GABRP: variants seen among roughly 807,000 people sequenced by gnomAD.
GABRP encodes gamma-aminobutyric acid receptor subunit pi.
GABRP carries 52 observed loss-of-function variants against 47.8 expected under a neutral mutation model. That is an observed-to-expected ratio of 1.09 (90% CI 0.87 to 1.37). The LOEUF is 1.37. Ranked by LOEUF, GABRP falls within the 40% of genes most tolerant of loss-of-function variation. The probability of loss-of-function intolerance (pLI) is 0.00; values close to 1 mark genes in which losing one functional copy is unlikely to be tolerated. For missense variants in GABRP, 525 were observed against 542.8 expected, an observed-to-expected ratio of 0.97 and a Z score of 0.33; for synonymous variants, 221 against 205.8, an observed-to-expected ratio of 1.07 and a Z score of -0.63.
intron 9 of GABRP, 175 bp downstream of exon 9, chr5:170,809,930 A>G: frequency 1.4e-6 from 1 of 710,092 alleles, no homozygotes; most frequent in South Asian, 1.5e-5. Context: ...CCCTTGAAAA[A>G]GACCATTCTT....
chr5:170,804,310 G>A (rs924404301), intron 6 of GABRP, among the ~76,000 whole-genome samples: 1 of 152,004 alleles, frequency 6.6e-6, no homozygotes, highest in Non-Finnish European at 1.5e-5. Context: ...ATTATGAGTA[G>A]TGCTGCTATG....
chr5:170,792,344 A>C (rs892437468), intron 3 of GABRP, among the ~76,000 whole-genome samples: 11 of 151,928 alleles, frequency 7.2e-5, no homozygotes, highest in African/African-American at 2.4e-4. Flanking sequence ...CTGAAGGCCG[A>C]AGCAGGAGAA....
chr5:170,807,420 A>G (rs1765764078), intron 7 of GABRP, among the ~76,000 whole-genome samples: 1 of 152,178 alleles, frequency 6.6e-6, no homozygotes, highest in Non-Finnish European at 1.5e-5. Flanking sequence ...AAAATTATGT[A>G]ATCTCATGTA....
intron 1 of GABRP, 59 bp from the exon 2 acceptor site, chr5:170,788,515 G>GCCT (rs1449245668): frequency 8.7e-7 from 1 of 1,147,500 alleles, no homozygotes; most frequent in African/African-American, 1.5e-5. Context: ...AGAGAGGCTG[G>GCCT]CCAGGAGCAG....
intron 9 of GABRP, chr5:170,810,072 C>A: frequency 1.6e-6 from 1 of 641,604 alleles, no homozygotes; most frequent in South Asian, 1.9e-5. Flanking sequence ...ACATGATCAG[C>A]TGCTTGCAAG....
upstream of GABRP, among the ~76,000 whole-genome samples, chr5:170,783,464 T>C (rs1341776380): frequency 6.6e-6 from 1 of 152,168 alleles, no homozygotes; most frequent in African/African-American, 2.4e-5. Context: ...TCACCCACTT[T>C]ATCTGACTCT....
intron 6 of GABRP, among the ~76,000 whole-genome samples, chr5:170,804,987 TTATATTATATATTA>T (rs201640309): frequency 0.15 from 21,326 of 143,302 alleles, 1,610 homozygotes; most frequent in South Asian, 0.23. Context: ...ATATATTATA[TTATATTATATATTA>T]TATATATTAT....
At chr5:170,800,290 T>G (rs377529241) in intron 6 of GABRP, among the ~76,000 whole-genome samples, 2 of 152,216 alleles carry the variant, frequency 1.3e-5, no homozygotes, top group African/African-American at 4.8e-5. Context: ...GCTAGCCATA[T>G]GTAGAAAGCT....
upstream of GABRP, chr5:170,783,607 CGATCTCCAGACACTCAGGACAA>C (rs1765057775): frequency 1.5e-5 from 1 of 66,682 alleles, no homozygotes; most frequent in African/African-American, 3.6e-5. Flanking sequence ...CAGGACCAGA[CGATCTCCAGACACTCAGGACAA>C]GTCAGTGTCC....
rs1554119515 is a variant in GABRP at position 170,795,209 on chromosome 5, A to C, written c.242A>C (p.Asp81Ala). ...SISSISESNMDYTATIYLRQR... is the reference protein window; with the variant it reads ...SISSISESNMAYTATIYLRQR... ...CCATACCCTGCCTCCCCCTCCCAGG[A>C]CTACACAGCCACCATATACCTCCGA... is the stretch of plus-strand genomic sequence containing the variant. The change falls in exon 5 of 10, where the codon GAC becomes GCC. Residue 81 changes from aspartate (D) to alanine (A), a missense_variant and splice_region_variant. Transcript: ENST00000265294. 1 of 1,611,878 alleles carries C rather than the reference A, an allele frequency of 6.2e-7. No homozygotes were observed. The highest frequency in any genetic ancestry group is 8.5e-7 in the Non-Finnish European group (1 of 1,178,974).
intron 5 of GABRP, among the ~76,000 whole-genome samples, chr5:170,796,347 T>C (rs1032389181): frequency 1.3e-5 from 2 of 152,192 alleles, no homozygotes; most frequent in Admixed American, 1.3e-4. Flanking sequence ...CCCTTCCCCA[T>C]GTTCCCACAG....
At chr5:170,794,375 C>CA (rs34296291) in intron 4 of GABRP, 77 bp downstream of exon 4, 4,522 of 259,534 alleles carry the variant, frequency 0.017, 26 homozygotes, top group African/African-American at 0.027. Context: ...TCTAGCCGCT[C>CA]AAAAAAAAAA....
At position 170,789,064 on chromosome 5, in the gene GABRP, G is replaced by T. The variant is rs569427629; in HGVS notation, c.54-65G>T. The T allele has an allele frequency of 1.4e-4, 172 of 1,258,816 alleles. 1 individual carries two copies. The highest frequency in any genetic ancestry group is 1.1e-3 in the South Asian group (86 of 79,818). The allele number at this position is 1,258,816 out of a possible 1,614,324, so 78.0% of individuals were successfully genotyped here. A position where few individuals can be genotyped will look rare whatever the true frequency, so the allele number is the denominator to read the frequency against. On this transcript the variant is annotated intron_variant, in intron 2 of 9. Coordinates refer to ENST00000265294, the MANE Select transcript of GABRP (RefSeq NM_014211.3). Reference sequence around the variant, plus strand: ...CACACGTGGGCAAACACAAGCTCAAGGGTGTGTACACGTGTTGATTCACAC... The same window carrying T: ...CACACGTGGGCAAACACAAGCTCAATGGTGTGTACACGTGTTGATTCACAC...
In GABRP at chr5:170,797,471, C is replaced by G; in HGVS notation, c.464C>G (p.Thr155Arg). 1 of 1,606,540 alleles carries G rather than the reference C, an allele frequency of 6.2e-7. No individual in the cohort carries two copies. Among genetic ancestry groups the G allele is most frequent in the Non-Finnish European group, 8.5e-7 (1 of 1,173,120 alleles). ...NGTVLYALRI[T>R]TTVACNMDLS... ...AACCTGTTTTTCCCTCTTAGAATCA[C>G]GACAACTGTTGCATGTAACATGGAT... The change falls in exon 6 of 10, where the codon ACG (threonine) becomes AGG (arginine). Residue 155 changes from threonine to arginine, a missense_variant. Physicochemically the swap from Thr to Arg is moderately conservative, Grantham distance 71 (BLOSUM62 -1). Transcript: ENST00000265294.
rs760008372 is a variant in GABRP at position 170,788,671 on chromosome 5, G to A, written c.53+3G>A. 6.2e-7 allele frequency: 1 copy of A among 1,613,946 alleles called. No individual in the cohort carries two copies. The highest frequency in any genetic ancestry group is 1.1e-5 in the South Asian group (1 of 91,072). ...TGTCTGAGTCTCTTCACTGAGAGGT[G>A]AGCTTTGCTACCCCCAGAATGGCCT... is the stretch of plus-strand genomic sequence containing the variant. On this transcript the variant is annotated splice_donor_region_variant and intron_variant, in intron 2 of 9. Coordinates refer to ENST00000265294, the MANE Select transcript of GABRP (RefSeq NM_014211.3).
chr5:170,804,895 A>G (rs1174913163), intron 6 of GABRP, among the ~76,000 whole-genome samples: 1 of 151,050 alleles, frequency 6.6e-6, no homozygotes, highest in Admixed American at 6.6e-5. Context: ...GTTCTATGGA[A>G]CAGCATTTAT....
chr5:170,805,001 ATATATAT>A (rs1765692378), intron 6 of GABRP, among the ~76,000 whole-genome samples: 5 of 105,910 alleles, frequency 4.7e-5, no homozygotes, highest in African/African-American at 1.3e-4. Context: ...ATTATATATT[ATATATAT>A]TATATATATT....
rs745740782 is a variant in GABRP at position 170,809,662 on chromosome 5, C to T, written c.927C>T (p.Tyr309=). The T allele has an allele frequency of 6.2e-7, 1 of 1,614,136 alleles. No homozygotes were observed. Among genetic ancestry groups the T allele is most frequent in the South Asian group, 1.1e-5 (1 of 91,066 alleles). ...TNCFIKAIDV[Y]LGICFSFVFG... ...GCTTCATCAAGGCCATCGATGTGTACCTGGGGATCTGCTTTAGCTTTGTGT... is the reference window on the plus strand; with the variant it reads ...GCTTCATCAAGGCCATCGATGTGTATCTGGGGATCTGCTTTAGCTTTGTGT... Residue 309 remains tyrosine, a synonymous_variant, in exon 9 of 10, where the codon TAC becomes TAT. Coordinates refer to ENST00000265294, the MANE Select transcript of GABRP (RefSeq NM_014211.3).
rs149935911 is a variant in GABRP, at chr5:170,795,239, G to T, written c.272G>T (p.Arg91Leu). The T allele has an allele frequency of 1.9e-6, 3 of 1,613,310 alleles. No individual in the cohort carries two copies. The highest frequency in any genetic ancestry group is 2.2e-5 in the South Asian group (2 of 91,012). The part of the protein sequence containing the change: ...DYTATIYLRQ[R>L]WMDQRLVFEG... ...ACAGCCACCATATACCTCCGACAGC[G>T]CTGGATGGACCAGCGGCTGGTGTTT... Residue 91 changes from arginine to leucine, a missense_variant, in exon 5 of 10, where the codon CGC becomes CTC. Physicochemically the swap from Arg to Leu is moderately radical, Grantham distance 102 (BLOSUM62 -2). Transcript: ENST00000265294.
Sources: allele counts gnomAD v4.1 joint callset (sites outside exome capture counted in the v4.1 genomes callset), GRCh38; gene constraint gnomAD v4.1.1; transcripts MANE v1.5; gene names NCBI Gene and HGNC (gene_info 2026-07-23, HGNC 2026-07-21).